Variants in GUCY2D observed in about 807,000 individuals in gnomAD.
GUCY2D encodes retinal guanylyl cyclase 1.
In GUCY2D, 70 loss-of-function variants were observed where a neutral mutation model predicts 101.3. That is an observed-to-expected ratio of 0.69 (90% CI 0.57 to 0.84). The LOEUF is 0.84. Among genes scored for constraint, GUCY2D ranks in the 40% least tolerant of loss-of-function variants. GUCY2D has a pLI of 0.00. For synonymous variants in GUCY2D, 688 were observed against 670.7 expected (o/e 1.03, Z -0.40); for missense variants, 1,460 against 1,542.5 (o/e 0.95, Z 0.90).
chr17:8,009,657 G>A, intron 8 of GUCY2D, 71 bp downstream of exon 8: 1 of 987,812 alleles, frequency 1.0e-6, no homozygotes, highest in Non-Finnish European at 1.6e-6. Flanking sequence ...CTTTGCAGCT[G>A]GGTACAGAGG....
At position 8,016,273 on chromosome 17, in the gene GUCY2D, G is replaced by T; in HGVS notation, c.3207G>T (p.Pro1069=). The T allele has an allele frequency of 6.4e-7, 1 of 1,574,572 alleles. No individual in the cohort carries two copies. Residue 1069 remains proline (P), a synonymous_variant, in exon 18 of 20, where the codon CCG becomes CCT. Transcript: ENST00000254854. ...RRGFNKPIPK[P]PDLQPGSSNH... ...GCTTCAACAAGCCCATCCCCAAACC[G>T]CCTGACCTGCAACCGGGGTGAGGGG...
Position 8,007,140 on chromosome 17 carries a change from G to GTGAGGTGAGTAGTGGAA in GUCY2D, c.1463+3_1463+19dup. On this transcript the variant is annotated stop_gained and frameshift_variant, in exon 5 of 20. Coordinates refer to ENST00000254854, the MANE Select transcript of GUCY2D (RefSeq NM_000180.4). LOFTEE classifies it high-confidence loss of function. ...GGCTGGGGCCTTCCTGGCCCATTAT[G>GTGAGGTGAGTAGTGGAA]TGAGGTGAGTAGTGGAATGAGGTAA... 1.2e-6 allele frequency: 2 copies of GTGAGGTGAGTAGTGGAA among 1,608,520 alleles called. No homozygotes were observed. Among genetic ancestry groups the GTGAGGTGAGTAGTGGAA allele is most frequent in the South Asian group, 1.1e-5 (1 of 90,960 alleles).
rs891541744 is a variant in GUCY2D at position 8,014,886 on chromosome 17, G to A, written c.2604G>A (p.Gly868=). ...PPSVAEALKT[G]TPVEPEYFEQ... ...CTGTGGCTGAGGCCTTGAAGACGGGGACACCAGTGGAGCCCGAGTACTTTG... is the reference window on the plus strand; with the variant it reads ...CTGTGGCTGAGGCCTTGAAGACGGGAACACCAGTGGAGCCCGAGTACTTTG... Residue 868 remains glycine, a synonymous_variant, in exon 14 of 20, where the codon GGG becomes GGA. Coordinates refer to ENST00000254854, the MANE Select transcript of GUCY2D (RefSeq NM_000180.4). The surrounding 1 kb of genome is among the most constrained non-coding windows in gnomAD (Gnocchi z 4.0). 1.2e-6 allele frequency: 2 copies of A among 1,614,118 alleles called. No homozygotes were observed. Among genetic ancestry groups the A allele is most frequent in the East Asian group, 2.2e-5 (1 of 44,870 alleles).
Position 8,009,498 on chromosome 17 carries a change from TG to T in GUCY2D, c.1669-7del. On this transcript the variant is annotated splice_polypyrimidine_tract_variant and splice_region_variant and intron_variant, in intron 7 of 19. Coordinates refer to ENST00000254854, the MANE Select transcript of GUCY2D (RefSeq NM_000180.4). Reference sequence around the variant, plus strand: ...CTGAGTTCCCTACCCCCATCCTCTTTGCTGCAGGGAGACAGGGTTTGGCTGA... The same window carrying T: ...CTGAGTTCCCTACCCCCATCCTCTTTCTGCAGGGAGACAGGGTTTGGCTGA... The T allele has an allele frequency of 6.2e-7, 1 of 1,603,240 alleles. No homozygotes were observed. Among genetic ancestry groups the T allele is most frequent in the Non-Finnish European group, 8.5e-7 (1 of 1,170,084 alleles).
chr17:8,019,682 G>C (rs1976037391), intron 19 of GUCY2D, among the ~76,000 whole-genome samples: 1 of 152,196 alleles, frequency 6.6e-6, no homozygotes, highest in Non-Finnish European at 1.5e-5. Flanking sequence ...CTATTCTCCT[G>C]TCTTTGTGTC....
In GUCY2D at chr17:8,006,353, C is replaced by T; in HGVS notation, c.1027-10C>T. Reference sequence around the variant, plus strand: ...ACCCCGACCTCTGAGCCCCTACTCTCCTTCTCCAGGTCTCCCCACTCTTTG... The same window carrying T: ...ACCCCGACCTCTGAGCCCCTACTCTTCTTCTCCAGGTCTCCCCACTCTTTG... On this transcript the variant is annotated splice_polypyrimidine_tract_variant and intron_variant, in intron 3 of 19. Coordinates refer to ENST00000254854, the MANE Select transcript of GUCY2D (RefSeq NM_000180.4). The T allele has an allele frequency of 6.3e-7, 1 of 1,596,964 alleles. No individual in the cohort carries two copies. Among genetic ancestry groups the T allele is most frequent in the South Asian group, 1.1e-5 (1 of 91,008 alleles).
Position 8,002,638 on chromosome 17 carries a change from T to G in GUCY2D, c.-106T>G. Reference sequence around the variant, plus strand: ...CTGTACCCACGCCCCCGCCCTGGCCTGGGCTGGCAAGGAAGACCTGTGGGC... The same window carrying G: ...CTGTACCCACGCCCCCGCCCTGGCCGGGGCTGGCAAGGAAGACCTGTGGGC... On this transcript the variant is annotated 5_prime_UTR_variant, in exon 1 of 20. Transcript: ENST00000254854. The surrounding 1 kb of genome is among the most constrained non-coding windows in gnomAD (Gnocchi z 4.9). The G allele has an allele frequency of 5.1e-6, 1 of 197,632 alleles. No homozygotes were observed. The highest frequency in any genetic ancestry group is 1.4e-4 in the East Asian group (1 of 7,224). The allele number at this position is 197,632 out of a possible 1,614,324, so 12.2% of individuals were successfully genotyped here. A position where few individuals can be genotyped will look rare whatever the true frequency, so the allele number is the denominator to read the frequency against.
At chr17:8,016,355 AC>A in intron 18 of GUCY2D, 65 bp downstream of exon 18, 11 of 1,437,480 alleles carry the variant, frequency 7.7e-6, no homozygotes, top group Admixed American at 2.0e-5. Context: ...TCTGTGTCTG[AC>A]CCCCCGCGCG....
chr17:8,003,826 G>A, intron 2 of GUCY2D, 26 bp from the exon 3 acceptor site: 1 of 1,605,748 alleles, frequency 6.2e-7, no homozygotes, highest in Non-Finnish European at 8.5e-7. Context: ...GCCGGACGGC[G>A]CCGCGAGCCA....
At chr17:8,015,277 A>G (rs1975941871) in intron 14 of GUCY2D, 51 bp from the exon 15 acceptor site, 2 of 1,540,526 alleles carry the variant, frequency 1.3e-6, no homozygotes, top group African/African-American at 1.4e-5. Context: ...CGCTTCGTGT[A>G]CTCGGGGGGA....
chr17:8,010,553 T>A (rs1252843383), intron 8 of GUCY2D, among the ~76,000 whole-genome samples: 1 of 152,030 alleles, frequency 6.6e-6, no homozygotes, highest in East Asian at 1.9e-4. Context: ...ACACCTGTGA[T>A]CCCAGCACTT....
chr17:8,010,133 G>A (rs1306659941), intron 8 of GUCY2D, among the ~76,000 whole-genome samples: 2 of 152,134 alleles, frequency 1.3e-5, no homozygotes, highest in African/African-American at 4.8e-5. Context: ...TCGCTGGACT[G>A]TAAGCTGAGT....
At position 8,003,866 on chromosome 17, in the gene GUCY2D, A is replaced by C. The variant is rs959135126; in HGVS notation, c.736A>C (p.Met246Leu). The C allele has an allele frequency of 3.7e-6, 6 of 1,612,366 alleles. No individual in the cohort carries two copies. The highest frequency in any genetic ancestry group is 4.2e-6 in the Non-Finnish European group (5 of 1,179,754). Residue 246 changes from methionine to leucine, a missense_variant, in exon 3 of 20, where the codon ATG becomes CTG. Met to Leu is a conservative substitution (Grantham distance 15). Around this residue, in one of 3 missense-constraint regions of GUCY2D, gnomAD observed 1,196 missense variants for 1,229.6 expected, o/e 0.97. Transcript: ENST00000254854. ...GPRVTAVIMVMHSVLLGGEEQ... is the reference protein window; with the variant it reads ...GPRVTAVIMVLHSVLLGGEEQ... ...TCTGTCCGCAGCAGTGATCATGGTGATGCACTCGGTGCTGCTGGGTGGCGA... is the reference window on the plus strand; with the variant it reads ...TCTGTCCGCAGCAGTGATCATGGTGCTGCACTCGGTGCTGCTGGGTGGCGA...
In GUCY2D at chr17:8,015,857, A is replaced by T. The variant is rs1432356860; in HGVS notation, c.3043+16A>T. 1 of 1,608,424 alleles carries T rather than the reference A, an allele frequency of 6.2e-7. No individual in the cohort carries two copies. On this transcript the variant is annotated intron_variant, in intron 16 of 19. Coordinates refer to ENST00000254854, the MANE Select transcript of GUCY2D (RefSeq NM_000180.4). ...ACCGGGCTGCGTGAGTGTGACGGGG[A>T]CAAGACGGGGAGGTGGGAGGGGGAC...
intron 10 of GUCY2D, 77 bp downstream of exon 10, chr17:8,012,683 C>T: frequency 8.7e-7 from 1 of 1,152,732 alleles, no homozygotes; most frequent in Non-Finnish European, 1.3e-6. Flanking sequence ...TTCCTCCCTA[C>T]CTCTGCCCTC....
intron 19 of GUCY2D, 52 bp downstream of exon 19, chr17:8,016,606 C>A: frequency 1.1e-6 from 1 of 909,506 alleles, no homozygotes; most frequent in Non-Finnish European, 1.7e-6. Context: ...CTGCTGCCTG[C>A]AGAACGTCCC....
In GUCY2D at chr17:8,013,257, G is replaced by A. The variant is rs1278720586; in HGVS notation, c.2263+5G>A. The A allele has an allele frequency of 5.6e-6, 9 of 1,613,970 alleles. No homozygotes were observed. In the South Asian group the frequency reaches 9.9e-5, roughly 18 times the overall value. On this transcript the variant is annotated splice_donor_5th_base_variant and intron_variant, in intron 11 of 19. Coordinates refer to ENST00000254854, the MANE Select transcript of GUCY2D (RefSeq NM_000180.4). This position sits in a 1 kb window ranked among gnomAD's most constrained non-coding sequence, Gnocchi z 5.0. The stretch of plus-strand genomic sequence containing the variant: ...TGCTGGAGCTCACTCCCGAGGGTAA[G>A]GCTGCCCTGTGCGTGGAGTTCGGCC...
In GUCY2D at chr17:8,006,653, G is replaced by A. The variant is rs56056557; in HGVS notation, c.1317G>A (p.Gly439=). ...GTACCCGGATGCACTTCCCGCGTGG[G>A]GGATCAGCACCCGGACCTGACCCCT... ...SAGTRMHFPR[G]GSAPGPDPSC... The change falls in exon 4 of 20, where the codon GGG becomes GGA. Residue 439 remains glycine, a synonymous_variant. Coordinates refer to ENST00000254854, the MANE Select transcript of GUCY2D (RefSeq NM_000180.4). 2.0e-5 allele frequency: 32 copies of A among 1,612,600 alleles called. No homozygotes were observed. Among genetic ancestry groups the A allele is most frequent in the Non-Finnish European group, 2.5e-5 (30 of 1,179,520 alleles).
chr17:8,014,325 C>G lies in GUCY2D; in HGVS notation c.2413-276C>G. ...CCTGCTGTGACAGAAAGACCCTTGG[C>G]CTGGGAGCCCAACGATTGGGCTGGC... On this transcript the variant is annotated intron_variant, in intron 12 of 19. Transcript: ENST00000254854. This position sits in a 1 kb window ranked among gnomAD's most constrained non-coding sequence, Gnocchi z 4.0. 2 of 601,548 alleles carry G rather than the reference C, an allele frequency of 3.3e-6. No homozygotes were observed. The highest frequency in any genetic ancestry group is 5.9e-6 in the Non-Finnish European group (2 of 337,556). The allele number at this position is 601,548 out of a possible 1,614,324, so 37.3% of individuals were successfully genotyped here. A position where few individuals can be genotyped will look rare whatever the true frequency, so the allele number is the denominator to read the frequency against.
Sources: gnomAD v4.1 joint callset for allele counts (sites outside exome capture counted in the v4.1 genomes callset) on GRCh38, gnomAD v4.1.1 for gene constraint, gnomAD v4.1.1 regional missense constraint, Gnocchi (gnomAD v3.1) non-coding constraint, MANE v1.5 for transcripts, NCBI Gene and HGNC (gene_info 2026-07-23, HGNC 2026-07-21) for gene names.